CPNE4: variants seen among roughly 807,000 people sequenced by gnomAD.
CPNE4 encodes copine 4.
In CPNE4, 25 loss-of-function variants were observed where a neutral mutation model predicts 67.9. That is an observed-to-expected ratio of 0.37 (90% CI 0.27 to 0.51). CPNE4 has a LOEUF of 0.51. Ranked by LOEUF, CPNE4 falls within the 20% of genes least tolerant of loss-of-function variation. The probability of loss-of-function intolerance (pLI) is 0.93; values close to 1 mark genes in which losing one functional copy is unlikely to be tolerated. For missense variants in CPNE4, 464 were observed against 690.8 expected, an observed-to-expected ratio of 0.67 and a Z score of 3.68; for synonymous variants, 242 against 244.9, an observed-to-expected ratio of 0.99 and a Z score of 0.11.
At chr3:131,601,219 T>A (rs185365854) in intron 7 of CPNE4, among the ~76,000 whole-genome samples, 1 of 152,202 alleles carries the variant, frequency 6.6e-6, no homozygotes, top group Admixed American at 6.5e-5. Flanking sequence ...ATGGTGGGAA[T>A]TACTTTTTGT....
At chr3:131,840,865 T>G (rs1042222088) in intron 2 of CPNE4, among the ~76,000 whole-genome samples, 1 of 152,200 alleles carries the variant, frequency 6.6e-6, no homozygotes, top group Non-Finnish European at 1.5e-5. Context: ...GTCATCTTCT[T>G]GAGGAAACTT....
chr3:131,782,702 TA>T (rs1376285112), intron 2 of CPNE4, among the ~76,000 whole-genome samples: 1 of 152,136 alleles, frequency 6.6e-6, no homozygotes, highest in Non-Finnish European at 1.5e-5. Flanking sequence ...AATAGAAATG[TA>T]CATCTACCAT....
rs556357289 is a variant in CPNE4 at position 131,564,145 on chromosome 3, C to G, written c.1061+71G>C. Reference sequence around the variant, plus strand: ...CTAGACTTAATTTCCACTTTCTGCCCAGGATCAGCCAAAGACCGTCTGAAC... The same window carrying G: ...CTAGACTTAATTTCCACTTTCTGCCGAGGATCAGCCAAAGACCGTCTGAAC... On this transcript the variant is annotated intron_variant, in intron 11 of 15. Transcript: ENST00000429747. 3.9e-5 allele frequency: 61 copies of G among 1,582,840 alleles called. No individual in the cohort carries two copies. In the African/African-American group the frequency reaches 7.8e-4, roughly 20 times the overall value.
intron 7 of CPNE4, among the ~76,000 whole-genome samples, chr3:131,662,811 C>T (rs1300816656): frequency 6.6e-6 from 1 of 152,268 alleles, no homozygotes; most frequent in East Asian, 1.9e-4. Context: ...AGTCGGGAAA[C>T]AACAGATGCT....
At chr3:131,794,532 C>G (rs1436287022) in intron 2 of CPNE4, among the ~76,000 whole-genome samples, 1 of 152,170 alleles carries the variant, frequency 6.6e-6, no homozygotes, top group Non-Finnish European at 1.5e-5. Flanking sequence ...CGTGAGCCAC[C>G]ACACCCAGCT....
At chr3:131,827,301 G>T (rs111365444) in intron 2 of CPNE4, among the ~76,000 whole-genome samples, 3 of 152,094 alleles carry the variant, frequency 2.0e-5, no homozygotes, top group African/African-American at 7.2e-5. Flanking sequence ...GTAATGAAAA[G>T]CTGCCTCACT....
At chr3:131,875,172 T>C (rs561413399) in intron 2 of CPNE4, among the ~76,000 whole-genome samples, 1 of 152,180 alleles carries the variant, frequency 6.6e-6, no homozygotes, top group Admixed American at 6.5e-5. Flanking sequence ...GTTTTCTTTA[T>C]AGCATGAGGC....
intron 2 of CPNE4, among the ~76,000 whole-genome samples, chr3:131,755,993 T>C (rs551835652): frequency 6.6e-6 from 1 of 152,322 alleles, no homozygotes; most frequent in South Asian, 2.1e-4. Context: ...TAATTTCTCC[T>C]GATCCATTTA....
At chr3:131,790,634 G>T (rs1228264947) in intron 2 of CPNE4, among the ~76,000 whole-genome samples, 2 of 152,004 alleles carry the variant, frequency 1.3e-5, no homozygotes, top group Non-Finnish European at 2.9e-5. Context: ...CTCAGCTGTG[G>T]CATCACCTCA....
chr3:131,658,268 C>T (rs1432188666), intron 7 of CPNE4, among the ~76,000 whole-genome samples: 1 of 152,174 alleles, frequency 6.6e-6, no homozygotes, highest in African/African-American at 2.4e-5. Context: ...AAGCTGGAGA[C>T]TAGACCCAGT....
intron 3 of CPNE4, among the ~76,000 whole-genome samples, chr3:131,710,010 G>A (rs1254240188): frequency 6.6e-6 from 1 of 152,182 alleles, no homozygotes; most frequent in Non-Finnish European, 1.5e-5. Context: ...TGTAGGAATA[G>A]GTAAGCTCCA....
chr3:131,715,362 C>G lies in CPNE4; in HGVS notation c.360+8084G>C, dbSNP rs150697732. On this transcript the variant is annotated intron_variant, in intron 3 of 15. Coordinates refer to ENST00000429747, the MANE Select transcript of CPNE4 (RefSeq NM_130808.3). ...AATAAACTTAAGAAGAAACAAGACA[C>G]CAAAAACTAGCCAGGTCAACTCCAA... 1.3e-3 allele frequency among the ~76,000 whole-genome samples: 195 copies of G among 152,312 alleles called. 1 individual carries two copies. The highest frequency in any genetic ancestry group is 4.5e-3 in the African/African-American group (186 of 41,576).
intron 1 of CPNE4, among the ~76,000 whole-genome samples, chr3:132,003,909 G>A (rs1164933626): frequency 1.3e-5 from 2 of 152,070 alleles, no homozygotes; most frequent in African/African-American, 2.4e-5. Flanking sequence ...TTAATTGCAA[G>A]ATGGCATTCA....
intron 10 of CPNE4, among the ~76,000 whole-genome samples, chr3:131,565,288 T>C (rs919169215): frequency 9.9e-5 from 15 of 152,062 alleles, no homozygotes; most frequent in African/African-American, 3.6e-4. Flanking sequence ...GAAATGTTTA[T>C]GTTGCATAAT....
At chr3:131,846,740 C>A (rs1426487501) in intron 2 of CPNE4, among the ~76,000 whole-genome samples, 1 of 152,076 alleles carries the variant, frequency 6.6e-6, no homozygotes, top group East Asian at 1.9e-4. Context: ...AGTAGAGAAA[C>A]AAGAAAGTAT....
chr3:131,610,167 T>A (rs1489639520), intron 7 of CPNE4, among the ~76,000 whole-genome samples: 1 of 152,082 alleles, frequency 6.6e-6, no homozygotes, highest in Admixed American at 6.6e-5. Context: ...ACTGTGCTAG[T>A]CACTGTAGAT....
At chr3:131,714,132 G>A (rs775400383) in intron 3 of CPNE4, among the ~76,000 whole-genome samples, 16 of 152,140 alleles carry the variant, frequency 1.1e-4, no homozygotes, top group Non-Finnish European at 1.8e-4. Flanking sequence ...TAGATAGTAT[G>A]CAACAAAATG....
At chr3:131,919,124 T>C (rs946085818) in intron 1 of CPNE4, among the ~76,000 whole-genome samples, 1 of 152,140 alleles carries the variant, frequency 6.6e-6, no homozygotes, top group Non-Finnish European at 1.5e-5. Context: ...ATTCAGCAAC[T>C]TAAGTCAGGT....
At chr3:131,969,487 T>A (rs11707344) in intron 1 of CPNE4, among the ~76,000 whole-genome samples, 5,466 of 152,264 alleles carry the variant, frequency 0.036, 128 homozygotes, top group Non-Finnish European at 0.052. Context: ...TTTAAGTATA[T>A]GTAAGCCTTT....
Sources: allele counts gnomAD v4.1 joint callset (sites outside exome capture counted in the v4.1 genomes callset), GRCh38; gene constraint gnomAD v4.1.1; transcripts MANE v1.5; gene names NCBI Gene and HGNC (gene_info 2026-07-23, HGNC 2026-07-21).